Variants in CPNE4 observed in about 807,000 individuals in gnomAD.
CPNE4 encodes copine 4.
CPNE4 carries 25 observed loss-of-function variants against 67.9 expected under a neutral mutation model. The observed-to-expected ratio is 0.37, with a 90% confidence interval of 0.27 to 0.51. The LOEUF (loss-of-function observed/expected upper bound fraction) is 0.51, where lower values mean the gene tolerates loss of function less well. Among genes scored for constraint, CPNE4 ranks in the 20% least tolerant of loss-of-function variants. The pLI is 0.93. For missense variants in CPNE4, 464 were observed against 690.8 expected (o/e 0.67, Z 3.68); for synonymous variants, 242 against 244.9 (o/e 0.99, Z 0.11).
At chr3:132,012,108 C>T (rs1364750806) in intron 1 of CPNE4, among the ~76,000 whole-genome samples, 1 of 151,778 alleles carries the variant, frequency 6.6e-6, no homozygotes, top group East Asian at 1.9e-4. Flanking sequence ...AAAGCAGCCA[C>T]AGGCAATATA....
chr3:131,981,505 C>T (rs910119655), intron 1 of CPNE4, among the ~76,000 whole-genome samples: 2 of 152,100 alleles, frequency 1.3e-5, no homozygotes, highest in African/African-American at 4.8e-5. Context: ...TCACCCAGCT[C>T]CCACACAAAC....
Position 131,651,297 on chromosome 3 carries a change from C to G in CPNE4, c.681+18378G>C, listed in dbSNP as rs113135438. Among the ~76,000 whole-genome samples the G allele has an allele frequency of 1.2e-3, 183 of 152,246 alleles. 1 individual carries two copies. The highest frequency in any genetic ancestry group is 3.6e-3 in the African/African-American group (151 of 41,550). The stretch of plus-strand genomic sequence containing the variant: ...TTTATTAAAAGCTTAGAAAAACCCT[C>G]GAGACCTCTTTTTCCCAACTGTCCA... On this transcript the variant is annotated intron_variant, in intron 7 of 15. Transcript: ENST00000429747.
intron 11 of CPNE4, among the ~76,000 whole-genome samples, chr3:131,561,965 G>GCT (rs533328465): frequency 5.9e-5 from 9 of 151,944 alleles, no homozygotes; most frequent in Non-Finnish European, 1.3e-4. Flanking sequence ...TTAAGTATTT[G>GCT]CCCATTTTAA....
At chr3:131,594,476 TG>T (rs2107712527) in intron 7 of CPNE4, among the ~76,000 whole-genome samples, 1 of 152,284 alleles carries the variant, frequency 6.6e-6, no homozygotes, top group African/African-American at 2.4e-5. Context: ...CAAATTGTGT[TG>T]GGAAAACTGG....
intron 7 of CPNE4, among the ~76,000 whole-genome samples, chr3:131,654,988 A>C (rs981959120): frequency 6.6e-6 from 1 of 152,178 alleles, no homozygotes; most frequent in Non-Finnish European, 1.5e-5. Context: ...GCCTTAAAAC[A>C]CTCTGGGAAA....
intron 2 of CPNE4, among the ~76,000 whole-genome samples, chr3:131,848,182 C>T (rs1056374652): frequency 2.0e-5 from 3 of 152,150 alleles, no homozygotes; most frequent in African/African-American, 7.2e-5. Context: ...CAATCAAAAG[C>T]TACACATTCA....
At chr3:131,932,072 G>C (rs550880456) in intron 1 of CPNE4, among the ~76,000 whole-genome samples, 281 of 152,156 alleles carry the variant, frequency 1.8e-3, no homozygotes, top group Non-Finnish European at 3.2e-3. Flanking sequence ...GAAAATTCAT[G>C]GGCTTTCCTG....
intron 1 of CPNE4, among the ~76,000 whole-genome samples, chr3:131,917,222 G>A (rs1014012491): frequency 1.3e-5 from 2 of 152,200 alleles, no homozygotes; most frequent in African/African-American, 4.8e-5. Flanking sequence ...TGTCCAATGT[G>A]TAATCATGTT....
intron 1 of CPNE4, among the ~76,000 whole-genome samples, chr3:132,005,101 G>A (rs1362580967): frequency 1.3e-5 from 2 of 151,688 alleles, no homozygotes; most frequent in African/African-American, 4.8e-5. Context: ...ACAGCACCCA[G>A]TTGCTCTCTG....
chr3:131,892,084 C>G (rs9837417), intron 2 of CPNE4, among the ~76,000 whole-genome samples: 30,536 of 152,018 alleles, frequency 0.2, 3,830 homozygotes, highest in Non-Finnish European at 0.27. Context: ...AAGATTAGCT[C>G]AGAGTTCACG....
intron 2 of CPNE4, among the ~76,000 whole-genome samples, chr3:131,888,812 A>G (rs1342878415): frequency 7.3e-6 from 1 of 136,152 alleles, no homozygotes; most frequent in African/African-American, 2.5e-5. Flanking sequence ...AGGAAAGTCG[A>G]AACAGATCAA....
At chr3:131,899,590 C>T (rs1040284918) in intron 2 of CPNE4, among the ~76,000 whole-genome samples, 7 of 151,940 alleles carry the variant, frequency 4.6e-5, no homozygotes, top group Admixed American at 3.3e-4. Flanking sequence ...TGACCCTGGG[C>T]GATGTATTAA....
At chr3:131,744,208 G>C (rs1413001251) in intron 2 of CPNE4, among the ~76,000 whole-genome samples, 1 of 151,768 alleles carries the variant, frequency 6.6e-6, no homozygotes, top group East Asian at 1.9e-4. Context: ...GTATTAATAA[G>C]AGGATTTGGT....
intron 7 of CPNE4, chr3:131,620,508 G>A: frequency 1.0e-6 from 1 of 979,584 alleles, no homozygotes; most frequent in Non-Finnish European, 1.2e-6. Context: ...ATGGTAGGCA[G>A]AATAATGGTT....
At chr3:131,821,110 GAGGTTGGCTTAC>G (rs2084944186) in intron 2 of CPNE4, among the ~76,000 whole-genome samples, 1 of 152,166 alleles carries the variant, frequency 6.6e-6, no homozygotes, top group Non-Finnish European at 1.5e-5. Context: ...GGAGGAGGAG[GAGGTTGGCTTAC>G]AGGATCTCCA....
intron 1 of CPNE4, among the ~76,000 whole-genome samples, chr3:131,926,905 G>C (rs868000750): frequency 6.6e-6 from 1 of 152,142 alleles, no homozygotes; most frequent in Non-Finnish European, 1.5e-5. Flanking sequence ...CAGCTTGGGC[G>C]AAGGAGTAGG....
intron 2 of CPNE4, among the ~76,000 whole-genome samples, chr3:131,814,572 ATTTTTTTTTTTTTTTTTTTTTTTTTTTTT>A (rs71136418): frequency 2.8e-3 from 200 of 71,112 alleles, no homozygotes; most frequent in Non-Finnish European, 4.8e-3. Flanking sequence ...TTGAAATGCA[ATTTTTTTTTTTTTTTTTTTTTTTTTTTTT>A]TTTTTTTTTT....
At chr3:131,891,172 T>C (rs955244680) in intron 2 of CPNE4, among the ~76,000 whole-genome samples, 1 of 152,060 alleles carries the variant, frequency 6.6e-6, no homozygotes, top group Admixed American at 6.6e-5. Flanking sequence ...ATATTTTTTA[T>C]CTGGATTGTG....
At chr3:131,611,198 C>T (rs930170693) in intron 7 of CPNE4, among the ~76,000 whole-genome samples, 1 of 152,140 alleles carries the variant, frequency 6.6e-6, no homozygotes, top group Non-Finnish European at 1.5e-5. Flanking sequence ...GCCCATTATA[C>T]TTATTGATAT....
Sources: allele counts gnomAD v4.1 joint callset (sites outside exome capture counted in the v4.1 genomes callset), GRCh38; gene constraint gnomAD v4.1.1; transcripts MANE v1.5; gene names NCBI Gene and HGNC (gene_info 2026-07-23, HGNC 2026-07-21).